The following CABP5 variants were observed in gnomAD, a reference collection of about 807,000 sequenced individuals.
CABP5 encodes calcium-binding protein 5.
A neutral mutation model predicts 21.9 loss-of-function variants in CABP5; 17 were observed. The ratio of observed to expected loss-of-function variants is 0.78; its 90% CI spans 0.53 to 1.17. CABP5 has a LOEUF of 1.17. Ranked by LOEUF, CABP5 falls within the 50% of genes most tolerant of loss-of-function variation. The pLI, the probability that CABP5 is intolerant of heterozygous loss-of-function variation, is 0.00. For synonymous variants in CABP5, 85 were observed against 79.4 expected (o/e 1.07, Z -0.37); for missense variants, 229 against 228.9 (o/e 1.00, Z 0.00).
intron 5 of CABP5, among the ~76,000 whole-genome samples, chr19:48,033,772 T>G (rs1870599402): frequency 1.3e-5 from 2 of 152,020 alleles, no homozygotes; most frequent in Admixed American, 6.6e-5. Context: ...AACTGACCCT[T>G]AAAGAGAAAA....
intron 4 of CABP5, among the ~76,000 whole-genome samples, chr19:48,036,606 T>C (rs1967411259): frequency 6.6e-6 from 1 of 152,216 alleles, no homozygotes; most frequent in African/African-American, 2.4e-5. Flanking sequence ...GCATTGTGCC[T>C]ATAATTAATA....
At position 48,041,561 on chromosome 19, in the gene CABP5, A is replaced by C. The variant is rs751908264; in HGVS notation, c.94+12T>G. The C allele has an allele frequency of 6.2e-7, 1 of 1,612,316 alleles. No homozygotes were observed. Among genetic ancestry groups the C allele is most frequent in the Non-Finnish European group, 8.5e-7 (1 of 1,179,418 alleles). Reference sequence around the variant, plus strand: ...ATGGCAACGTGGAAGCAACTGGGGAAGACGGTGTTACCTTCAATCTCATCT... The same window carrying C: ...ATGGCAACGTGGAAGCAACTGGGGACGACGGTGTTACCTTCAATCTCATCT... On this transcript the variant is annotated intron_variant, in intron 2 of 5. Transcript: ENST00000293255.
chr19:48,037,285 T>TTTTTTTTTGTGG (rs1967422079), intron 4 of CABP5, among the ~76,000 whole-genome samples: 2 of 131,578 alleles, frequency 1.5e-5, no homozygotes, highest in Non-Finnish European at 1.6e-5. Context: ...TTTTTTTTTT[T>TTTTTTTTTGTGG]GAGGTGGAGT....
At chr19:48,036,753 C>G (rs570200044) in intron 4 of CABP5, among the ~76,000 whole-genome samples, 1 of 152,134 alleles carries the variant, frequency 6.6e-6, no homozygotes, top group African/African-American at 2.4e-5. Context: ...GAACAGCCAT[C>G]TCTCTAAAGA....
intron 1 of CABP5, among the ~76,000 whole-genome samples, chr19:48,043,277 C>T (rs1600129992): frequency 6.8e-6 from 1 of 146,628 alleles, no homozygotes; most frequent in Non-Finnish European, 1.5e-5. Flanking sequence ...CAAGATGCTG[C>T]GATTCAGGCA....
Position 48,034,381 on chromosome 19 carries a change from A to C in CABP5, c.349-19T>G, listed in dbSNP as rs752093378. ...TGTCAAACTGAATAGAAGCAGAAAT[A>C]GATTATATCAGCAATGACAATGATG... On this transcript the variant is annotated intron_variant, in intron 4 of 5. Transcript: ENST00000293255. The C allele has an allele frequency of 1.7e-5, 25 of 1,486,514 alleles. No homozygotes were observed. Among genetic ancestry groups the C allele is most frequent in the Non-Finnish European group, 2.7e-6 (3 of 1,113,594 alleles). The allele number at this position is 1,486,514 out of a possible 1,614,324, so 92.1% of individuals were successfully genotyped here.
chr19:48,039,118 G>T lies in CABP5; in HGVS notation c.348+90C>A, dbSNP rs73943516. 5.7e-3 allele frequency: 5,568 copies of T among 974,780 alleles called. 149 individuals are homozygous for T. Among genetic ancestry groups the T allele is most frequent in the African/African-American group, 0.05 (3,107 of 61,978 alleles). The allele number at this position is 974,780 out of a possible 1,614,324, so 60.4% of individuals were successfully genotyped here. ...AAAAAAAAAGGTGGGGGCCTGGTTG[G>T]TGGGTGCTGTCCATGGCATTGGCTA... On this transcript the variant is annotated intron_variant, in intron 4 of 5. Coordinates refer to ENST00000293255, the MANE Select transcript of CABP5 (RefSeq NM_019855.5).
chr19:48,033,909 T>A (rs952936792), intron 5 of CABP5, among the ~76,000 whole-genome samples: 10 of 151,932 alleles, frequency 6.6e-5, no homozygotes, highest in African/African-American at 2.4e-4. Flanking sequence ...CTTCCTAGGA[T>A]AAAAGGTGCC....
chr19:48,042,138 C>T (rs1967489235), intron 1 of CABP5, among the ~76,000 whole-genome samples: 1 of 152,078 alleles, frequency 6.6e-6, no homozygotes, highest in Non-Finnish European at 1.5e-5. Flanking sequence ...GGGAGGAAGG[C>T]ATTCACCTGC....
intron 4 of CABP5, among the ~76,000 whole-genome samples, chr19:48,038,947 C>T (rs1233327630): frequency 6.6e-6 from 1 of 151,946 alleles, no homozygotes; most frequent in Non-Finnish European, 1.5e-5. Flanking sequence ...TTGCTTACTC[C>T]TAATGTGTTT....
Position 48,043,937 on chromosome 19 carries a change from G to T in CABP5, c.-15C>A. The T allele has an allele frequency of 6.6e-7, 1 of 1,506,600 alleles. No individual in the cohort carries two copies. The highest frequency in any genetic ancestry group is 1.3e-5 in the South Asian group (1 of 76,326). 93.3% of individuals were successfully genotyped at this position (1,506,600 alleles called of 1,614,324 possible). The stretch of plus-strand genomic sequence containing the variant: ...GGGAACTGCATGGAGGGGTGGGGTG[G>T]AGCTCGCAGGGCACCAGTCTCAAGA... On this transcript the variant is annotated 5_prime_UTR_variant, in exon 1 of 6. Transcript: ENST00000293255.
chr19:48,036,072 G>A (rs1050359555), intron 4 of CABP5, among the ~76,000 whole-genome samples: 1 of 152,176 alleles, frequency 6.6e-6, no homozygotes, highest in African/African-American at 2.4e-5. Context: ...CACCAGCAGA[G>A]CTCAAGAAGG....
Position 48,043,918 on chromosome 19 carries a change from T to G in CABP5, c.5A>C (p.Gln2Pro). 6.7e-7 allele frequency: 1 copy of G among 1,502,112 alleles called. No homozygotes were observed. Among genetic ancestry groups the G allele is most frequent in the Non-Finnish European group, 8.8e-7 (1 of 1,130,664 alleles). 93.0% of individuals were successfully genotyped at this position (1,502,112 alleles called of 1,614,324 possible). A position where few individuals can be genotyped will look rare whatever the true frequency, so the allele number is the denominator to read the frequency against. Residue 2 changes from glutamine (Q) to proline (P), a missense_variant, in exon 1 of 6, where the codon CAG becomes CCG. Physicochemically the swap from Gln to Pro is moderately conservative, Grantham distance 76. Transcript: ENST00000293255. ...GATGCAGGCGGGGCCCATGGGGAAC[T>G]GCATGGAGGGGTGGGGTGGAGCTCG... M[Q>P]FPMGPACIFL... is the part of the protein sequence containing the mutation.
At chr19:48,041,480 G>T in intron 2 of CABP5, 93 bp downstream of exon 2, 2 of 1,199,260 alleles carry the variant, frequency 1.7e-6, no homozygotes, top group Non-Finnish European at 2.4e-6. Flanking sequence ...AAAATTCCAT[G>T]TAATGGAATT....
chr19:48,030,633 CCAA>C (rs776872858), intron 5 of CABP5, 51 bp from the exon 6 acceptor site: 11 of 1,590,834 alleles, frequency 6.9e-6, no homozygotes, highest in Non-Finnish European at 9.4e-6. Context: ...GTAAAAGCCC[CCAA>C]CATTATTTTT....
Position 48,043,900 on chromosome 19 carries a change from G to T in CABP5, c.23C>A (p.Ala8Asp). 6.7e-7 allele frequency: 1 copy of T among 1,501,210 alleles called. No homozygotes were observed. Among genetic ancestry groups the T allele is most frequent in the Admixed American group, 2.7e-5 (1 of 37,116 alleles). The allele number at this position is 1,501,210 out of a possible 1,614,324, so 93.0% of individuals were successfully genotyped here. A position where few individuals can be genotyped will look rare whatever the true frequency, so the allele number is the denominator to read the frequency against. The change falls in exon 1 of 6, where the codon GCC becomes GAC. Residue 8 changes from alanine (A) to aspartate (D), a missense_variant. Ala to Asp is a moderately radical substitution (Grantham distance 126, BLOSUM62 -2). Coordinates refer to ENST00000293255, the MANE Select transcript of CABP5 (RefSeq NM_019855.5). MQFPMGP[A>D]CIFLRKGIAE... ...AATGCCTTTCCTCAAGAAGATGCAGGCGGGGCCCATGGGGAACTGCATGGA... is the reference window on the plus strand; with the variant it reads ...AATGCCTTTCCTCAAGAAGATGCAGTCGGGGCCCATGGGGAACTGCATGGA...
rs1174219574 is a variant in CABP5, at chr19:48,029,824, G to GAC, written c.*732_*733insGT. ...AGAGAGAGAGAGAGAGAGAGAGAGA[G>GAC]AGAGAGAGAGAGAAACCAGACAGTG... On this transcript the variant is annotated 3_prime_UTR_variant, in exon 6 of 6. Transcript: ENST00000293255. 7.3e-4 allele frequency: 110 copies of GAC among 151,348 alleles called. No individual in the cohort carries two copies. The highest frequency in any genetic ancestry group is 2.6e-3 in the African/African-American group (107 of 41,250). The allele number at this position is 151,348 out of a possible 1,614,324, so 9.4% of individuals were successfully genotyped here. A position where few individuals can be genotyped will look rare whatever the true frequency, so the allele number is the denominator to read the frequency against.
In CABP5 at chr19:48,030,590, GAA is replaced by G. The variant is rs199946129; in HGVS notation, c.497-10_497-9del. The G allele has an allele frequency of 1.3e-5, 19 of 1,409,674 alleles. No individual in the cohort carries two copies. Among genetic ancestry groups the G allele is most frequent in the African/African-American group, 5.8e-5 (4 of 69,366 alleles). 87.3% of individuals were successfully genotyped at this position (1,409,674 alleles called of 1,614,324 possible). On this transcript the variant is annotated splice_polypyrimidine_tract_variant and intron_variant, in intron 5 of 5. Transcript: ENST00000293255. ...ACATCATCTTCACAAACTCTGCAAA[GAA>G]AAAAAAAAATCCCCAGTAAGGCATC...
At chr19:48,039,939 C>T (rs968785557) in intron 3 of CABP5, among the ~76,000 whole-genome samples, 2 of 151,776 alleles carry the variant, frequency 1.3e-5, no homozygotes, top group Non-Finnish European at 2.9e-5. Flanking sequence ...GTTCACAAAC[C>T]CCTAACCTCA....
Sources: allele counts gnomAD v4.1 joint callset (sites outside exome capture counted in the v4.1 genomes callset), GRCh38; gene constraint gnomAD v4.1.1; transcripts MANE v1.5; gene names NCBI Gene and HGNC (gene_info 2026-07-23, HGNC 2026-07-21).